The following CALU variants were observed in gnomAD, a reference collection of about 807,000 sequenced individuals.
CALU encodes the protein calumenin, also known as IEF SSP 9302.
CALU carries 13 observed loss-of-function variants against 37.5 expected under a neutral mutation model. That is an observed-to-expected ratio of 0.35 (90% CI 0.23 to 0.55). The LOEUF is 0.55. Among genes scored for constraint, CALU ranks in the 20% least tolerant of loss-of-function variants. The probability of loss-of-function intolerance (pLI) is 0.89; values close to 1 mark genes in which losing one functional copy is unlikely to be tolerated. For synonymous variants in CALU, 114 were observed against 133.8 expected, an observed-to-expected ratio of 0.85 and a Z score of 1.02; for missense variants, 282 against 391.7, an observed-to-expected ratio of 0.72 and a Z score of 2.36.
intron 1 of CALU, among the ~76,000 whole-genome samples, chr7:128,746,762 C>CTTTTTTTTTT (rs71162530): frequency 4.9e-5 from 6 of 122,660 alleles, no homozygotes; most frequent in Non-Finnish European, 6.6e-5. Flanking sequence ...TCATGTCATT[C>CTTTTTTTTTT]TTTTTTTTTT....
rs1800989152 is a variant in CALU at position 128,758,857 on chromosome 7, T to C, written c.416-14T>C. The C allele has an allele frequency of 6.3e-7, 1 of 1,588,192 alleles. No individual in the cohort carries two copies. Among genetic ancestry groups the C allele is most frequent in the Non-Finnish European group, 8.6e-7 (1 of 1,164,428 alleles). Reference sequence around the variant, plus strand: ...AAAGTCTTTTAAGATTTGACCTAAATTTTTGTTTTCTAGATGATCCAGATC... The same window carrying C: ...AAAGTCTTTTAAGATTTGACCTAAACTTTTGTTTTCTAGATGATCCAGATC... On this transcript the variant is annotated splice_polypyrimidine_tract_variant and intron_variant, in intron 3 of 6. Transcript: ENST00000249364.
chr7:128,745,519 G>C (rs527454470), intron 1 of CALU, among the ~76,000 whole-genome samples: 1 of 152,020 alleles, frequency 6.6e-6, no homozygotes, highest in South Asian at 2.1e-4. Flanking sequence ...GTGGGAGGAT[G>C]GTCTGAGCCC....
Position 128,773,016 on chromosome 7 carries a change from A to G in CALU, c.*3849A>G, listed in dbSNP as rs1271857705. On this transcript the variant is annotated 3_prime_UTR_variant, in exon 7 of 7. Coordinates refer to ENST00000249364, the MANE Select transcript of CALU (RefSeq NM_001219.5). ...CCAGGGAGGTTTCAAATTAGTTTTG[A>G]GTCTACCTCTGGGATTGAGGAAACA... Among the ~76,000 whole-genome samples the G allele has an allele frequency of 4.6e-5, 7 of 152,216 alleles. No homozygotes were observed. Among genetic ancestry groups the G allele is most frequent in the Admixed American group, 4.6e-4 (7 of 15,278 alleles).
chr7:128,753,328 C>T (rs1370101714), intron 2 of CALU, among the ~76,000 whole-genome samples: 1 of 152,220 alleles, frequency 6.6e-6, no homozygotes, highest in South Asian at 2.1e-4. Context: ...CCAAACTGGG[C>T]TGCTTACTTG....
chr7:128,746,762 CTTTTTTTTTTTTTT>C (rs71162530), intron 1 of CALU, among the ~76,000 whole-genome samples: 2 of 122,662 alleles, frequency 1.6e-5, no homozygotes, highest in African/African-American at 3.4e-5. Context: ...TCATGTCATT[CTTTTTTTTTTTTTT>C]TTTTTTTTTT....
intron 3 of CALU, among the ~76,000 whole-genome samples, chr7:128,755,481 C>G (rs1800847239): frequency 2.0e-5 from 3 of 152,020 alleles, no homozygotes; most frequent in African/African-American, 7.3e-5. Context: ...AAATAGTTTT[C>G]CTTAATAAAA....
Position 128,772,574 on chromosome 7 carries a change from G to A in CALU, c.*3407G>A, listed in dbSNP as rs376418066. The A allele has an allele frequency of 1.4e-5, 22 of 1,614,090 alleles. No homozygotes were observed. In the African/African-American group the frequency reaches 2.0e-4, roughly 15 times the overall value. On this transcript the variant is annotated 3_prime_UTR_variant, in exon 7 of 7. Coordinates refer to ENST00000249364, the MANE Select transcript of CALU (RefSeq NM_001219.5). ...GCCAACTTGGGTAGACGAGACAGTA[G>A]AAACTTCTGTTTTCTGGGAGCTGCA... is the stretch of plus-strand genomic sequence containing the variant.
At chr7:128,753,837 A>G (rs1428643649) in intron 2 of CALU, among the ~76,000 whole-genome samples, 1 of 152,250 alleles carries the variant, frequency 6.6e-6, no homozygotes, top group Non-Finnish European at 1.5e-5. Context: ...ATTATTTACC[A>G]AGAATTGGAG....
intron 2 of CALU, among the ~76,000 whole-genome samples, chr7:128,750,615 C>T (rs1327837176): frequency 6.6e-6 from 1 of 152,106 alleles, no homozygotes; most frequent in Non-Finnish European, 1.5e-5. Context: ...TGACAAATAT[C>T]CCTACTTTAT....
intron 1 of CALU, among the ~76,000 whole-genome samples, chr7:128,745,252 T>A (rs1292647196): frequency 6.6e-6 from 1 of 152,250 alleles, no homozygotes; most frequent in Non-Finnish European, 1.5e-5. Context: ...ATACATATTG[T>A]TGGGATATAT....
At chr7:128,763,924 T>TG in intron 5 of CALU, among the ~76,000 whole-genome samples, 1 of 152,234 alleles carries the variant, frequency 6.6e-6, no homozygotes. Flanking sequence ...GCTTAGAACT[T>TG]GCAGGAACTA....
At chr7:128,741,156 C>G (rs1159471564) in intron 1 of CALU, among the ~76,000 whole-genome samples, 3 of 152,248 alleles carry the variant, frequency 2.0e-5, no homozygotes, top group Non-Finnish European at 2.9e-5. Context: ...GATTCTCACT[C>G]TCTGAACTCT....
chr7:128,767,587 C>T lies in CALU; in HGVS notation c.775C>T (p.Leu259Phe), dbSNP rs1490400073. The T allele has an allele frequency of 6.2e-7, 1 of 1,614,128 alleles. No individual in the cohort carries two copies. Among genetic ancestry groups the T allele is most frequent in the Admixed American group, 1.7e-5 (1 of 60,024 alleles). The part of the protein sequence containing the change: ...MDKEETKDWI[L>F]PSDYDHAEAE... ...CAAGGAAGAGACCAAAGACTGGATCCTTCCCTCAGACTATGATCATGCAGA... is the reference window on the plus strand; with the variant it reads ...CAAGGAAGAGACCAAAGACTGGATCTTTCCCTCAGACTATGATCATGCAGA... Residue 259 changes from leucine (L) to phenylalanine (F), a missense_variant, in exon 6 of 7, where the codon CTT becomes TTT. By Grantham distance (22) the Leu-to-Phe change is conservative. Coordinates refer to ENST00000249364, the MANE Select transcript of CALU (RefSeq NM_001219.5).
At chr7:128,754,689 G>T in intron 3 of CALU, 3 of 1,552,212 alleles carry the variant, frequency 1.9e-6, no homozygotes, top group Non-Finnish European at 2.6e-6. Flanking sequence ...CTCCTGGGAT[G>T]AGTACAGAAA....
chr7:128,746,483 G>T (rs1231985374), intron 1 of CALU, among the ~76,000 whole-genome samples: 1 of 151,076 alleles, frequency 6.6e-6, no homozygotes, highest in Non-Finnish European at 1.5e-5. Flanking sequence ...TTTGAGATAG[G>T]ATCTCTGTCA....
intron 5 of CALU, among the ~76,000 whole-genome samples, chr7:128,765,558 A>G (rs1341800638): frequency 2.0e-5 from 3 of 152,244 alleles, no homozygotes; most frequent in Non-Finnish European, 4.4e-5. Context: ...TTGCAAGAAC[A>G]TTGTGTATGT....
intron 2 of CALU, among the ~76,000 whole-genome samples, chr7:128,753,127 CTCTTT>C (rs1256347798): frequency 6.6e-6 from 1 of 152,202 alleles, no homozygotes; most frequent in Non-Finnish European, 1.5e-5. Flanking sequence ...CAAAATGAGT[CTCTTT>C]TCTTAGAGTC....
In CALU at chr7:128,772,144, C is replaced by T. The variant is rs1400351136; in HGVS notation, c.*2977C>T. Among the ~76,000 whole-genome samples the T allele has an allele frequency of 2.1e-5, 3 of 144,384 alleles. No homozygotes were observed. The highest frequency in any genetic ancestry group is 5.1e-5 in the African/African-American group (2 of 38,966). 94.7% of individuals were successfully genotyped at this position (144,384 alleles called of 152,430 possible). On this transcript the variant is annotated 3_prime_UTR_variant, in exon 7 of 7. Transcript: ENST00000249364. ...TTTTCTTAAGTTTGTTCTAATTCAG[C>T]ATATATCATCTCAGAATGGATCCCC...
chr7:128,767,312 A>T, intron 5 of CALU, 144 bp from the exon 6 acceptor site: 1 of 656,012 alleles, frequency 1.5e-6, no homozygotes, highest in South Asian at 1.8e-5. Context: ...CTTGCTTTCT[A>T]AGGTCTGTCT....
Sources: gnomAD v4.1 joint callset for allele counts (sites outside exome capture counted in the v4.1 genomes callset) on GRCh38, gnomAD v4.1.1 for gene constraint, MANE v1.5 for transcripts, NCBI Gene and HGNC (gene_info 2026-07-23, HGNC 2026-07-21) for gene names.